Variants in DCC observed in about 807,000 individuals in gnomAD.
DCC encodes the protein DCC netrin 1 receptor, also known as netrin receptor DCC.
In DCC, 58 loss-of-function variants were observed where a neutral mutation model predicts 172.5. The ratio of observed to expected loss-of-function variants is 0.34; its 90% CI spans 0.27 to 0.42. The LOEUF is 0.42. Among genes scored for constraint, DCC ranks in the 10% least tolerant of loss-of-function variants. The pLI, the probability that DCC is intolerant of heterozygous loss-of-function variation, is 1.00. For missense variants in DCC, 1,740 were observed against 1,791.0 expected (o/e 0.97, Z 0.51); for synonymous variants, 709 against 644.5 (o/e 1.10, Z -1.52).
chr18:52,826,289 A>C (rs939322110), intron 2 of DCC, among the ~76,000 whole-genome samples: 4 of 152,292 alleles, frequency 2.6e-5, no homozygotes, highest in Admixed American at 2.6e-4. Context: ...TTTCAGGAAC[A>C]GTTAGGGCAA....
intron 5 of DCC, among the ~76,000 whole-genome samples, chr18:52,953,493 T>C (rs1291893850): frequency 6.6e-6 from 1 of 152,204 alleles, no homozygotes. Context: ...GTGGAGTCCT[T>C]TGGACCTTCC....
At chr18:52,709,781 G>A (rs902222264) in intron 1 of DCC, among the ~76,000 whole-genome samples, 3 of 152,180 alleles carry the variant, frequency 2.0e-5, no homozygotes, top group African/African-American at 7.2e-5. Flanking sequence ...GAAAAATGGG[G>A]AAATTATATG....
chr18:53,244,314 TG>T (rs777129408), intron 12 of DCC, among the ~76,000 whole-genome samples: 4 of 152,194 alleles, frequency 2.6e-5, no homozygotes, highest in Non-Finnish European at 5.9e-5. Flanking sequence ...AAACCAGTGA[TG>T]GGGTTCCTTT....
At chr18:53,381,401 C>T in intron 15 of DCC, among the ~76,000 whole-genome samples, 1 of 151,860 alleles carries the variant, frequency 6.6e-6, no homozygotes, top group East Asian at 1.9e-4. Context: ...TGCTGACCAT[C>T]CATAAGCTAC....
chr18:53,417,088 C>G (rs1910356358), intron 21 of DCC, among the ~76,000 whole-genome samples: 1 of 152,136 alleles, frequency 6.6e-6, no homozygotes, highest in African/African-American at 2.4e-5. Context: ...GTGGGCAGTG[C>G]TTACTTGCAA....
At chr18:53,270,578 C>T (rs968312324) in intron 12 of DCC, among the ~76,000 whole-genome samples, 55 of 152,048 alleles carry the variant, frequency 3.6e-4, no homozygotes, top group African/African-American at 1.3e-3. Flanking sequence ...GAGGTTTTAC[C>T]CTAATATGTT....
At chr18:52,852,987 C>T (rs963161932) in intron 2 of DCC, among the ~76,000 whole-genome samples, 1 of 152,004 alleles carries the variant, frequency 6.6e-6, no homozygotes, top group Non-Finnish European at 1.5e-5. Flanking sequence ...AAATTTCTAC[C>T]TCTTGACATA....
At chr18:52,840,776 A>G (rs1254284764) in intron 2 of DCC, among the ~76,000 whole-genome samples, 2 of 152,228 alleles carry the variant, frequency 1.3e-5, no homozygotes, top group African/African-American at 4.8e-5. Flanking sequence ...CATCATTAAC[A>G]TATTTATTCA....
intron 12 of DCC, among the ~76,000 whole-genome samples, chr18:53,233,340 A>AT (rs911779411): frequency 2.6e-5 from 4 of 152,116 alleles, no homozygotes; most frequent in Admixed American, 6.5e-5. Flanking sequence ...CAAAATACAC[A>AT]TTTTTTTGCC....
At chr18:52,772,426 T>C (rs77389483) in intron 2 of DCC, among the ~76,000 whole-genome samples, 5,215 of 152,298 alleles carry the variant, frequency 0.034, 129 homozygotes, top group Admixed American at 0.048. Context: ...GATGTGATGA[T>C]TTGTATTAGA....
At chr18:52,556,172 T>C (rs937400409) in intron 1 of DCC, among the ~76,000 whole-genome samples, 1 of 152,180 alleles carries the variant, frequency 6.6e-6, no homozygotes, top group African/African-American at 2.4e-5. Context: ...TAGAAATCGC[T>C]ACCTTGGCTA....
At chr18:52,631,201 G>A (rs1285592867) in intron 1 of DCC, among the ~76,000 whole-genome samples, 1 of 152,074 alleles carries the variant, frequency 6.6e-6, no homozygotes, top group Non-Finnish European at 1.5e-5. Context: ...TGTCATTTAT[G>A]GTTGCTAATG....
intron 1 of DCC, among the ~76,000 whole-genome samples, chr18:52,663,728 C>T (rs2035407503): frequency 6.6e-6 from 1 of 152,164 alleles, no homozygotes; most frequent in Non-Finnish European, 1.5e-5. Flanking sequence ...CAGAAAACTA[C>T]ATTCTCGCTT....
At chr18:53,293,877 T>C (rs909481254) in intron 12 of DCC, among the ~76,000 whole-genome samples, 1 of 152,186 alleles carries the variant, frequency 6.6e-6, no homozygotes, top group Non-Finnish European at 1.5e-5. Flanking sequence ...AATACTAGCC[T>C]ACCAGACTCT....
chr18:52,769,831 G>A (rs527694481), intron 2 of DCC, among the ~76,000 whole-genome samples: 2 of 152,114 alleles, frequency 1.3e-5, no homozygotes, highest in African/African-American at 2.4e-5. Flanking sequence ...AGCATCAATT[G>A]TTGAATAAAA....
chr18:53,319,783 C>T (rs528433889), intron 13 of DCC, among the ~76,000 whole-genome samples: 1 of 152,304 alleles, frequency 6.6e-6, no homozygotes, highest in South Asian at 2.1e-4. Flanking sequence ...CAGTTCTGCA[C>T]TTAAGGTCTT....
intron 2 of DCC, among the ~76,000 whole-genome samples, chr18:52,842,763 G>A (rs2038827836): frequency 6.6e-6 from 1 of 152,054 alleles, no homozygotes; most frequent in Non-Finnish European, 1.5e-5. Flanking sequence ...GAAATAGAGT[G>A]GTCCCTAATA....
intron 1 of DCC, among the ~76,000 whole-genome samples, chr18:52,600,274 T>C (rs888761531): frequency 3.9e-5 from 6 of 152,192 alleles, no homozygotes; most frequent in African/African-American, 1.4e-4. Context: ...CAGGTTTTCC[T>C]CACAATTCCA....
Position 53,363,825 on chromosome 18 carries a change from C to G in DCC, c.2360-22218C>G, listed in dbSNP as rs548739597. ...TAGTCTCTCTGAAAACAAGTTGCCT[C>G]CTTTCCAAGTATGAGTCTTCAGTGT... On this transcript the variant is annotated intron_variant, in intron 15 of 28. Coordinates refer to ENST00000442544, the MANE Select transcript of DCC (RefSeq NM_005215.4). Among the ~76,000 whole-genome samples the G allele has an allele frequency of 2.0e-5, 3 of 152,282 alleles. No individual in the cohort carries two copies. The South Asian group carries it at 6.2e-4, about 32-fold the overall frequency.
Sources: allele counts gnomAD v4.1 joint callset (sites outside exome capture counted in the v4.1 genomes callset), GRCh38; gene constraint gnomAD v4.1.1; transcripts MANE v1.5; gene names NCBI Gene and HGNC (gene_info 2026-07-23, HGNC 2026-07-21).